Variants in NADK2 observed in about 807,000 individuals in gnomAD.
NADK2 encodes the protein NAD kinase domain-containing protein 1, mitochondrial.
Under a neutral mutation model 62.1 loss-of-function variants are expected in NADK2, and 35 were observed. The observed-to-expected ratio is 0.56, with a 90% CI of 0.43 to 0.75. The LOEUF (loss-of-function observed/expected upper bound fraction) is 0.75. Ranked by LOEUF, NADK2 falls within the 30% of genes least tolerant of loss-of-function variation. The pLI is 0.00. For synonymous variants in NADK2, 205 were observed against 207.9 expected (o/e 0.99, Z 0.12); for missense variants, 439 against 561.3 (o/e 0.78, Z 2.20).
chr5:36,235,511 G>A (rs1244327588), intron 1 of NADK2, among the ~76,000 whole-genome samples: 1 of 152,146 alleles, frequency 6.6e-6, no homozygotes, highest in Non-Finnish European at 1.5e-5. Context: ...ATTCAGAGAG[G>A]TTAGGTTACT....
At chr5:36,226,717 TTTTCA>T (rs1050475244) in intron 2 of NADK2, among the ~76,000 whole-genome samples, 154 bp from the exon 3 acceptor site, 2 of 152,190 alleles carry the variant, frequency 1.3e-5, no homozygotes, top group Non-Finnish European at 2.9e-5. Flanking sequence ...ATTATCTTTG[TTTTCA>T]TTTAATTACA....
At chr5:36,216,772 C>A (rs1747060069) in intron 6 of NADK2, among the ~76,000 whole-genome samples, 1 of 152,132 alleles carries the variant, frequency 6.6e-6, no homozygotes, top group Admixed American at 6.5e-5. Flanking sequence ...ACAGTCAAAT[C>A]TACCATCTAT....
chr5:36,240,972 C>T (rs1748087612), intron 1 of NADK2, among the ~76,000 whole-genome samples: 1 of 152,198 alleles, frequency 6.6e-6, no homozygotes, highest in African/African-American at 2.4e-5. Flanking sequence ...GTGCCCTAGG[C>T]CTCGCAGTCC....
rs561110793 is a variant in NADK2, at chr5:36,195,177, T to A, written c.1296A>T (p.Glu432Asp). The A allele has an allele frequency of 1.9e-6, 3 of 1,613,390 alleles. No homozygotes were observed. The South Asian group carries it at 3.3e-5, about 18-fold the overall frequency. Residue 432 changes from glutamate to aspartate, a missense_variant, in exon 12 of 12, where the codon GAA becomes GAT. Coordinates refer to ENST00000381937, the MANE Select transcript of NADK2 (RefSeq NM_001085411.3). ...CAAGAAGCACAGTTCGAAGCTCATC[T>A]TCTTTATTGATCATCATCGAAGCAA... ...GAIASMMINK[E>D]DELRTVLLEQ
intron 10 of NADK2, among the ~76,000 whole-genome samples, chr5:36,199,427 T>C (rs896768233): frequency 3.9e-5 from 6 of 151,936 alleles, no homozygotes; most frequent in African/African-American, 1.4e-4. Flanking sequence ...TGGAGTTTTA[T>C]AAAAAACAAT....
rs1340297425 is a variant in NADK2 at position 36,241,890 on chromosome 5, C to T, written c.-92G>A. 1.9e-5 allele frequency: 19 copies of T among 1,008,088 alleles called. No individual in the cohort carries two copies. The highest frequency in any genetic ancestry group is 2.2e-5 in the Non-Finnish European group (18 of 830,500). The allele number at this position is 1,008,088 out of a possible 1,614,324, so 62.4% of individuals were successfully genotyped here. ...TGCGCGCCGTCCGCGCCGCCCGGGC[C>T]TCTAACTTCGCGCCGGACGGGCAGA... On this transcript the variant is annotated 5_prime_UTR_variant, in exon 1 of 12. Coordinates refer to ENST00000381937, the MANE Select transcript of NADK2 (RefSeq NM_001085411.3). This position sits in a 1 kb window ranked among gnomAD's most constrained non-coding sequence, Gnocchi z 4.9.
chr5:36,218,190 T>C (rs960925084), intron 5 of NADK2: 3 of 194,434 alleles, frequency 1.5e-5, no homozygotes, highest in Non-Finnish European at 2.1e-5. Context: ...ATATAGCTTG[T>C]GCTTTGCTCA....
At chr5:36,202,134 C>T (rs1399277133) in intron 8 of NADK2, among the ~76,000 whole-genome samples, 1 of 151,854 alleles carries the variant, frequency 6.6e-6, no homozygotes, top group African/African-American at 2.4e-5. Flanking sequence ...AACCCTGTAC[C>T]CTTCATGTTT....
intron 7 of NADK2, 107 bp from the exon 8 acceptor site, chr5:36,207,372 A>G: frequency 1.3e-6 from 1 of 745,246 alleles, no homozygotes; most frequent in Non-Finnish European, 2.2e-6. Flanking sequence ...TTACCCAAGA[A>G]ATACTTGACT....
intron 3 of NADK2, 71 bp downstream of exon 3, chr5:36,226,404 T>C (rs1342795599): frequency 8.2e-7 from 1 of 1,215,894 alleles, no homozygotes; most frequent in Non-Finnish European, 1.2e-6. Context: ...AGCTAGACCC[T>C]AGGGTATCTG....
At chr5:36,213,618 C>CATATATATATATATATATAT (rs58371779) in intron 6 of NADK2, among the ~76,000 whole-genome samples, 13,847 of 107,096 alleles carry the variant, frequency 0.13, 1,458 homozygotes, top group South Asian at 0.18. Context: ...TATATGCATG[C>CATATATATATATATATATAT]ATATATATAT....
chr5:36,237,206 C>T (rs1306001870), intron 1 of NADK2, among the ~76,000 whole-genome samples: 1 of 152,090 alleles, frequency 6.6e-6, no homozygotes, highest in Admixed American at 6.5e-5. Flanking sequence ...TGCATATAAA[C>T]ACAAATGTTA....
chr5:36,241,423 T>C lies in NADK2; in HGVS notation c.300+76A>G, dbSNP rs1008767918. ...CCCTGGGAAGAGTCGTCCCGAGAGG[T>C]CCCCCCGAGGGGGCGCAGCCGCCAC... On this transcript the variant is annotated intron_variant, in intron 1 of 11. Coordinates refer to ENST00000381937, the MANE Select transcript of NADK2 (RefSeq NM_001085411.3). This position sits in a 1 kb window ranked among gnomAD's most constrained non-coding sequence, Gnocchi z 4.9. 7.0e-7 allele frequency: 1 copy of C among 1,428,366 alleles called. No homozygotes were observed. The highest frequency in any genetic ancestry group is 9.1e-7 in the Non-Finnish European group (1 of 1,093,812). The allele number at this position is 1,428,366 out of a possible 1,614,324, so 88.5% of individuals were successfully genotyped here.
intron 3 of NADK2, 64 bp from the exon 4 acceptor site, chr5:36,225,687 C>A: frequency 6.7e-7 from 1 of 1,503,694 alleles, no homozygotes; most frequent in South Asian, 1.1e-5. Flanking sequence ...AGTTTTTGGC[C>A]ATTTTGAAAA....
intron 8 of NADK2, among the ~76,000 whole-genome samples, chr5:36,203,196 A>G (rs559705144): frequency 1.3e-3 from 191 of 152,270 alleles, no homozygotes; most frequent in African/African-American, 4.5e-3. Flanking sequence ...TCTACTTATG[A>G]AAATAAAATC....
chr5:36,241,399 C>T lies in NADK2; in HGVS notation c.300+100G>A. The T allele has an allele frequency of 7.2e-7, 1 of 1,391,030 alleles. No homozygotes were observed. The highest frequency in any genetic ancestry group is 9.3e-7 in the Non-Finnish European group (1 of 1,075,724). The allele number at this position is 1,391,030 out of a possible 1,614,324, so 86.2% of individuals were successfully genotyped here. On this transcript the variant is annotated intron_variant, in intron 1 of 11. Coordinates refer to ENST00000381937, the MANE Select transcript of NADK2 (RefSeq NM_001085411.3). This position sits in a 1 kb window ranked among gnomAD's most constrained non-coding sequence, Gnocchi z 4.9. ...GAGGCAGGACCGGCATCTGCGGTGC[C>T]CTGGGAAGAGTCGTCCCGAGAGGTC...
intron 2 of NADK2, 149 bp from the exon 3 acceptor site, chr5:36,226,712 C>A (rs1042931446): frequency 2.4e-5 from 14 of 572,636 alleles, no homozygotes; most frequent in Non-Finnish European, 3.1e-6. Flanking sequence ...ATAACATTAT[C>A]TTTGTTTTCA....
chr5:36,241,570 T>C lies in NADK2; in HGVS notation c.229A>G (p.Thr77Ala). ...TGCTGCTCGAACTCGTACCGGGTGGTTTTGGCCACCACCACCACCCGGGAG... is the reference window on the plus strand; with the variant it reads ...TGCTGCTCGAACTCGTACCGGGTGGCTTTGGCCACCACCACCACCCGGGAG... ...RPSRVVVVAKTTRYEFEQQRY... is the reference protein window; with the variant it reads ...RPSRVVVVAKATRYEFEQQRY... The change falls in exon 1 of 12, where the codon ACC becomes GCC. Residue 77 changes from threonine to alanine, a missense_variant. Coordinates refer to ENST00000381937, the MANE Select transcript of NADK2 (RefSeq NM_001085411.3). The surrounding 1 kb of genome is among the most constrained non-coding windows in gnomAD (Gnocchi z 4.9). The C allele has an allele frequency of 1.3e-6, 2 of 1,547,774 alleles. No homozygotes were observed. The highest frequency in any genetic ancestry group is 1.7e-6 in the Non-Finnish European group (2 of 1,156,854).
rs905368981 is a variant in NADK2, at chr5:36,205,448, G to C, written c.956+1722C>G. On this transcript the variant is annotated intron_variant, in intron 8 of 11. Transcript: ENST00000381937. This position sits in a 1 kb window ranked among gnomAD's most constrained non-coding sequence, Gnocchi z 4.1. ...GAGAACAAAAAGTGTGCTGAGAATT[G>C]CAAGTAGCTGTGCCAATTCTAGTGT... Among the ~76,000 whole-genome samples the C allele has an allele frequency of 1.3e-5, 2 of 152,054 alleles. No individual in the cohort carries two copies. The highest frequency in any genetic ancestry group is 2.4e-5 in the African/African-American group (1 of 41,414).
Sources: allele counts gnomAD v4.1 joint callset (sites outside exome capture counted in the v4.1 genomes callset), GRCh38; gene constraint gnomAD v4.1.1; non-coding constraint Gnocchi (gnomAD v3.1); transcripts MANE v1.5; gene names NCBI Gene and HGNC (gene_info 2026-07-23, HGNC 2026-07-21).